The following PHF21A variants were observed in gnomAD, a reference collection of about 807,000 sequenced individuals.
PHF21A encodes the protein PHD finger protein 21A, also known as BHC80a.
PHF21A carries 11 observed loss-of-function variants against 82.5 expected under a neutral mutation model. The ratio of observed to expected loss-of-function variants is 0.13; its 90% CI spans 0.08 to 0.22. The LOEUF (loss-of-function observed/expected upper bound fraction) is 0.22, where lower values mean the gene tolerates loss of function less well. Among genes scored for constraint, PHF21A ranks in the 10% least tolerant of loss-of-function variants. The pLI, the probability that PHF21A is intolerant of heterozygous loss-of-function variation, is 1.00. For synonymous variants in PHF21A, 297 were observed against 302.8 expected (o/e 0.98, Z 0.20); for missense variants, 579 against 837.8 (o/e 0.69, Z 3.81).
chr11:46,037,566 G>A lies in PHF21A; in HGVS notation c.153+39188C>T, dbSNP rs557759257. Among the ~76,000 whole-genome samples, 7 of 151,722 alleles carry A rather than the reference G, an allele frequency of 4.6e-5. No individual in the cohort carries two copies. The East Asian group carries it at 5.8e-4, about 13-fold the overall frequency. On this transcript the variant is annotated intron_variant, in intron 6 of 18. Coordinates refer to ENST00000676320, the MANE Select transcript of PHF21A (RefSeq NM_001352027.3). ...TGAGGCAGGACAATCGCTTGAATCC[G>A]GGAGCCGCCTCTGTTGCGGTGAGCC... is the stretch of plus-strand genomic sequence containing the variant.
At chr11:46,033,751 C>T (rs1231768632) in intron 6 of PHF21A, among the ~76,000 whole-genome samples, 2 of 152,130 alleles carry the variant, frequency 1.3e-5, no homozygotes, top group African/African-American at 4.8e-5. Flanking sequence ...AATATAAACA[C>T]CGGATTTCAA....
chr11:46,102,415 A>G (rs951440637), intron 1 of PHF21A, among the ~76,000 whole-genome samples: 2 of 152,258 alleles, frequency 1.3e-5, no homozygotes, highest in Non-Finnish European at 2.9e-5. Context: ...AACCAATGAC[A>G]TGTAAAAGAT....
intron 4 of PHF21A, among the ~76,000 whole-genome samples, chr11:46,081,410 C>CT (rs2096789510): frequency 6.6e-6 from 1 of 152,154 alleles, no homozygotes; most frequent in African/African-American, 2.4e-5. Context: ...CTTGATTTTC[C>CT]TTTTTGATTT....
At position 45,953,555 on chromosome 11, in the gene PHF21A, G is replaced by T. The variant is rs2092366725; in HGVS notation, c.1067C>A (p.Pro356His). 6.2e-6 allele frequency: 10 copies of T among 1,613,718 alleles called. No homozygotes were observed. Among genetic ancestry groups the T allele is most frequent in the South Asian group, 1.1e-5 (1 of 91,050 alleles). Residue 356 changes from proline to histidine, a missense_variant, in exon 11 of 19, where the codon CCC becomes CAC. Around this residue, in one of 3 missense-constraint regions of PHF21A, gnomAD observed 410 missense variants for 642.1 expected, o/e 0.64. Transcript: ENST00000676320. ...ESRTITPPAA[P>H]KPKREENPQK... ...AGGGTTCTCCTCCCGTTTTGGTTTG[G>T]GTGCAGCAGGTGGGGTGATGGTGCG... is the stretch of plus-strand genomic sequence containing the variant.
chr11:46,099,917 C>T (rs1414899372), intron 1 of PHF21A, among the ~76,000 whole-genome samples: 1 of 152,086 alleles, frequency 6.6e-6, no homozygotes, highest in African/African-American at 2.4e-5. Context: ...AAAAATGGTT[C>T]CATACAATTT....
At chr11:45,950,126 A>G (rs1183339838) in intron 12 of PHF21A, 80 bp downstream of exon 12, 4 of 1,120,094 alleles carry the variant, frequency 3.6e-6, no homozygotes, top group Non-Finnish European at 5.3e-6. Flanking sequence ...TTTCTATTCC[A>G]GGAATTCAAT....
At chr11:46,059,641 T>C (rs1478989668) in intron 6 of PHF21A, among the ~76,000 whole-genome samples, 1 of 151,882 alleles carries the variant, frequency 6.6e-6, no homozygotes, top group Non-Finnish European at 1.5e-5. Flanking sequence ...CCTAGGTTGG[T>C]CTCAAACTGG....
intron 2 of PHF21A, among the ~76,000 whole-genome samples, chr11:46,091,156 C>G (rs980617684): frequency 6.6e-6 from 1 of 152,198 alleles, no homozygotes; most frequent in Non-Finnish European, 1.5e-5. Context: ...GCACCATAAA[C>G]TATCAAAAGG....
rs536084167 is a variant in PHF21A at position 46,063,188 on chromosome 11, G to A, written c.153+13566C>T. On this transcript the variant is annotated intron_variant, in intron 6 of 18. Transcript: ENST00000676320. The stretch of plus-strand genomic sequence containing the variant: ...CAAAATGAATTGAATTCGCCGGGGG[G>A]GCTGGCATGTTTATAAGAGAAGGAG... Among the ~76,000 whole-genome samples, 26 of 152,232 alleles carry A rather than the reference G, an allele frequency of 1.7e-4. No homozygotes were observed. The South Asian group carries it at 5.0e-3, about 29-fold the overall frequency.
intron 14 of PHF21A, among the ~76,000 whole-genome samples, chr11:45,948,259 T>G (rs2091584933): frequency 6.6e-6 from 1 of 152,212 alleles, no homozygotes; most frequent in African/African-American, 2.4e-5. Context: ...CTGCTATTTT[T>G]TCTGCTCTGC....
At chr11:45,974,856 G>C (rs11826424) in intron 7 of PHF21A, among the ~76,000 whole-genome samples, 2 of 152,290 alleles carry the variant, frequency 1.3e-5, no homozygotes, top group Non-Finnish European at 2.9e-5. Context: ...ACAGTTTCAT[G>C]ATGGGGTCCT....
intron 6 of PHF21A, among the ~76,000 whole-genome samples, chr11:46,002,350 T>C (rs954372426): frequency 2.6e-5 from 4 of 152,210 alleles, no homozygotes; most frequent in African/African-American, 9.6e-5. Context: ...CCTCAAAATA[T>C]TTGTGGAATG....
intron 6 of PHF21A, among the ~76,000 whole-genome samples, chr11:46,000,429 G>A (rs149880029): frequency 1.8e-4 from 27 of 152,262 alleles, no homozygotes; most frequent in Admixed American, 9.2e-4. Context: ...CATTAGCTGC[G>A]ATATGGGACT....
intron 13 of PHF21A, 141 bp from the exon 14 acceptor site, chr11:45,949,087 G>A: frequency 6.8e-6 from 5 of 739,620 alleles, no homozygotes; most frequent in Non-Finnish European, 1.2e-5. Context: ...CAATGCTCAA[G>A]GGTTTTATTG....
chr11:46,064,743 G>A (rs961786054), intron 6 of PHF21A, among the ~76,000 whole-genome samples: 5 of 152,030 alleles, frequency 3.3e-5, no homozygotes, highest in Admixed American at 1.3e-4. Flanking sequence ...TATCAACAAC[G>A]ATAATGATAG....
At chr11:46,019,388 T>G (rs2095585303) in intron 6 of PHF21A, among the ~76,000 whole-genome samples, 2 of 152,152 alleles carry the variant, frequency 1.3e-5, no homozygotes, top group Non-Finnish European at 1.5e-5. Flanking sequence ...TTGGTAAGCA[T>G]GTACACCACG....
chr11:46,101,928 G>A (rs1000150347), intron 1 of PHF21A, among the ~76,000 whole-genome samples: 4 of 151,378 alleles, frequency 2.6e-5, no homozygotes, highest in African/African-American at 9.7e-5. Context: ...CGCAATCTCG[G>A]CTCACTACAA....
intron 6 of PHF21A, among the ~76,000 whole-genome samples, chr11:46,025,669 C>T (rs2095727715): frequency 1.3e-5 from 2 of 152,166 alleles, no homozygotes; most frequent in African/African-American, 4.8e-5. Context: ...CAGAAAATTC[C>T]TATATACCTT....
In PHF21A at chr11:45,971,500, GAAC is replaced by G. The variant is rs1239162886; in HGVS notation, c.361-136_361-134del. 1.4e-5 allele frequency: 12 copies of G among 836,636 alleles called. No homozygotes were observed. The Admixed American group carries it at 1.7e-4, about 12-fold the overall frequency. The allele number at this position is 836,636 out of a possible 1,614,324, so 51.8% of individuals were successfully genotyped here. ...ATTCTCATAATCAAGTTTCTCTGTA[GAAC>G]AACATTTCTTTTGTGTACATACAGC... On this transcript the variant is annotated intron_variant, in intron 7 of 18. Transcript: ENST00000676320.
Sources: allele counts gnomAD v4.1 joint callset (sites outside exome capture counted in the v4.1 genomes callset), GRCh38; gene constraint gnomAD v4.1.1; regional missense constraint gnomAD v4.1.1; transcripts MANE v1.5; gene names NCBI Gene and HGNC (gene_info 2026-07-23, HGNC 2026-07-21).